The following RAB15 variants were observed in gnomAD, a reference collection of about 807,000 sequenced individuals.
RAB15 encodes ras-related protein Rab-15.
In RAB15, 13 loss-of-function variants were observed where a neutral mutation model predicts 31.8. The ratio of observed to expected loss-of-function variants is 0.41; its 90% CI spans 0.27 to 0.65. RAB15 has a LOEUF of 0.65. RAB15 is among the 30% of genes least tolerant of loss of function. The probability of loss-of-function intolerance (pLI) is 0.32; values close to 1 mark genes in which losing one functional copy is unlikely to be tolerated. For missense variants in RAB15, 220 were observed against 277.3 expected (o/e 0.79, Z 1.47); for synonymous variants, 100 against 105.6 (o/e 0.95, Z 0.33).
Position 64,955,825 on chromosome 14 carries a change from A to G in RAB15, c.125-3254T>C, listed in dbSNP as rs1289494952. ...CAGCCCTTTTTGTTGCATCTTTAGT[A>G]TCCGTGAGAAGAAGAGATATTCTCC... On this transcript the variant is annotated intron_variant, in intron 1 of 6. Transcript: ENST00000533601. The surrounding 1 kb of genome is among the most constrained non-coding windows in gnomAD (Gnocchi z 4.4). 6.6e-6 allele frequency among the ~76,000 whole-genome samples: 1 copy of G among 152,228 alleles called. No homozygotes were observed. Among genetic ancestry groups the G allele is most frequent in the Non-Finnish European group, 1.5e-5 (1 of 68,036 alleles).
In RAB15 at chr14:64,972,051, A is replaced by G; in HGVS notation, c.26T>C (p.Phe9Ser). 1.9e-6 allele frequency: 3 copies of G among 1,610,864 alleles called. No homozygotes were observed. Among genetic ancestry groups the G allele is most frequent in the Non-Finnish European group, 2.5e-6 (3 of 1,178,894 alleles). The part of the protein sequence containing the change: MAKQYDVL[F>S]RLLLIGDSGV... ...GGAGTCCCCGATCAGCAGCAGCCGGAACAGCACATCGTACTGCTTCGCCAT... is the reference window on the plus strand; with the variant it reads ...GGAGTCCCCGATCAGCAGCAGCCGGGACAGCACATCGTACTGCTTCGCCAT... The change falls in exon 1 of 7, where the codon TTC (phenylalanine) becomes TCC (serine). Residue 9 changes from phenylalanine to serine, a missense_variant. Physicochemically the swap from Phe to Ser is radical, Grantham distance 155 (BLOSUM62 -2). Coordinates refer to ENST00000533601, the MANE Select transcript of RAB15 (RefSeq NM_001308154.2). This position sits in a 1 kb window ranked among gnomAD's most constrained non-coding sequence, Gnocchi z 6.3.
At chr14:64,966,834 T>C (rs1317415313) in intron 1 of RAB15, among the ~76,000 whole-genome samples, 1 of 151,968 alleles carries the variant, frequency 6.6e-6, no homozygotes, top group African/African-American at 2.4e-5. Flanking sequence ...GGGAACAGAG[T>C]AGGTAGAGAC....
Position 64,972,175 on chromosome 14 carries a change from G to A in RAB15, c.-99C>T. On this transcript the variant is annotated 5_prime_UTR_variant, in exon 1 of 7. Coordinates refer to ENST00000533601, the MANE Select transcript of RAB15 (RefSeq NM_001308154.2). The surrounding 1 kb of genome is among the most constrained non-coding windows in gnomAD (Gnocchi z 6.3). Reference sequence around the variant, plus strand: ...CCGCGCCCGCCCGGGGACGCTGCGGGCGGCGAGGAGGACGCCGGGCCCGGC... The same window carrying A: ...CCGCGCCCGCCCGGGGACGCTGCGGACGGCGAGGAGGACGCCGGGCCCGGC... The A allele has an allele frequency of 9.5e-7, 1 of 1,047,450 alleles. No individual in the cohort carries two copies. Among genetic ancestry groups the A allele is most frequent in the Non-Finnish European group, 1.2e-6 (1 of 848,248 alleles). The allele number at this position is 1,047,450 out of a possible 1,614,324, so 64.9% of individuals were successfully genotyped here.
rs1486999860 is a variant in RAB15, at chr14:64,958,689, C to T, written c.125-6118G>A. On this transcript the variant is annotated intron_variant, in intron 1 of 6. Transcript: ENST00000533601. This position sits in a 1 kb window ranked among gnomAD's most constrained non-coding sequence, Gnocchi z 4.4. ...TTCTTGGGTACAGAAAGAAATAGGG[C>T]ACAGAAGTGTTAAGAAACAAGCAAA... 6.6e-6 allele frequency among the ~76,000 whole-genome samples: 1 copy of T among 152,058 alleles called. No individual in the cohort carries two copies. The highest frequency in any genetic ancestry group is 1.5e-5 in the Non-Finnish European group (1 of 68,012).
rs569863460 is a variant in RAB15 at position 64,953,080 on chromosome 14, T to A, written c.125-509A>T. 5.6e-4 allele frequency among the ~76,000 whole-genome samples: 86 copies of A among 152,274 alleles called. No homozygotes were observed. The highest frequency in any genetic ancestry group is 2.0e-3 in the African/African-American group (84 of 41,560). On this transcript the variant is annotated intron_variant, in intron 1 of 6. Coordinates refer to ENST00000533601, the MANE Select transcript of RAB15 (RefSeq NM_001308154.2). This position sits in a 1 kb window ranked among gnomAD's most constrained non-coding sequence, Gnocchi z 4.6. ...AGAGGAGGGCTCTTCCAACCCATGA[T>A]TGTACCTGAAGCCTCAGCACCCAGC... is the stretch of plus-strand genomic sequence containing the variant.
At position 64,953,766 on chromosome 14, in the gene RAB15, C is replaced by T; in HGVS notation, c.125-1195G>A. 2 of 984,566 alleles carry T rather than the reference C, an allele frequency of 2.0e-6. No homozygotes were observed. Among genetic ancestry groups the T allele is most frequent in the Non-Finnish European group, 2.4e-6 (2 of 829,126 alleles). The allele number at this position is 984,566 out of a possible 1,614,324, so 61.0% of individuals were successfully genotyped here. ...ATGCCCAGGGATTCAAGAGCTACGT[C>T]TGGTGGGTTAATTAAGCTTACGTCT... On this transcript the variant is annotated intron_variant, in intron 1 of 6. Transcript: ENST00000533601. The surrounding 1 kb of genome is among the most constrained non-coding windows in gnomAD (Gnocchi z 4.6).
At chr14:64,969,551 C>T (rs979634805) in intron 1 of RAB15, among the ~76,000 whole-genome samples, 6 of 152,214 alleles carry the variant, frequency 3.9e-5, no homozygotes, top group African/African-American at 7.2e-5. Flanking sequence ...TCCATGGAAT[C>T]CAAACTCCTA....
chr14:64,952,648 C>T lies in RAB15; in HGVS notation c.125-77G>A. 1 of 1,060,960 alleles carries T rather than the reference C, an allele frequency of 9.4e-7. No homozygotes were observed. Among genetic ancestry groups the T allele is most frequent in the East Asian group, 2.4e-5 (1 of 41,342 alleles). The allele number at this position is 1,060,960 out of a possible 1,614,324, so 65.7% of individuals were successfully genotyped here. A position where few individuals can be genotyped will look rare whatever the true frequency, so the allele number is the denominator to read the frequency against. On this transcript the variant is annotated intron_variant, in intron 1 of 6. Transcript: ENST00000533601. This position sits in a 1 kb window ranked among gnomAD's most constrained non-coding sequence, Gnocchi z 4.2. ...AACAGGAAAGGGCCAGGCAATCACACTTGAAAGGTTTCCTTTCAGTTTAAT... is the reference window on the plus strand; with the variant it reads ...AACAGGAAAGGGCCAGGCAATCACATTTGAAAGGTTTCCTTTCAGTTTAAT...
Position 64,968,797 on chromosome 14 carries a change from G to C in RAB15, c.124+3156C>G, listed in dbSNP as rs1887269403. Among the ~76,000 whole-genome samples the C allele has an allele frequency of 1.3e-5, 2 of 152,208 alleles. No individual in the cohort carries two copies. Among genetic ancestry groups the C allele is most frequent in the African/African-American group, 4.8e-5 (2 of 41,454 alleles). ...GGGGACCCCTTCGCACCAACCCCCAGCCAGGCCAGCACAGCTGCACAGAAA... is the reference window on the plus strand; with the variant it reads ...GGGGACCCCTTCGCACCAACCCCCACCCAGGCCAGCACAGCTGCACAGAAA... On this transcript the variant is annotated intron_variant, in intron 1 of 6. Coordinates refer to ENST00000533601, the MANE Select transcript of RAB15 (RefSeq NM_001308154.2). This position sits in a 1 kb window ranked among gnomAD's most constrained non-coding sequence, Gnocchi z 4.9.
rs901083922 is a variant in RAB15, at chr14:64,954,941, G to A, written c.125-2370C>T. ...GAGGGAGAGGTGAAAGCAGGCAACT[G>A]TCCCCAGAGACAGAACTGACAAGGA... On this transcript the variant is annotated intron_variant, in intron 1 of 6. Transcript: ENST00000533601. This position sits in a 1 kb window ranked among gnomAD's most constrained non-coding sequence, Gnocchi z 4.3. Among the ~76,000 whole-genome samples the A allele has an allele frequency of 6.6e-6, 1 of 152,126 alleles. No homozygotes were observed. The highest frequency in any genetic ancestry group is 2.4e-5 in the African/African-American group (1 of 41,410).
Position 64,952,273 on chromosome 14 carries a change from G to A in RAB15, c.185+238C>T, listed in dbSNP as rs1220777029. 1.3e-5 allele frequency among the ~76,000 whole-genome samples: 2 copies of A among 152,330 alleles called. No individual in the cohort carries two copies. Among genetic ancestry groups the A allele is most frequent in the East Asian group, 3.9e-4 (2 of 5,170 alleles). ...GAGATAAATTCACAATGGTTAGTGT[G>A]CCAGTTCCTTCTAATTCCTGCCCTT... is the stretch of plus-strand genomic sequence containing the variant. On this transcript the variant is annotated intron_variant, in intron 2 of 6. Coordinates refer to ENST00000533601, the MANE Select transcript of RAB15 (RefSeq NM_001308154.2). The surrounding 1 kb of genome is among the most constrained non-coding windows in gnomAD (Gnocchi z 4.2).
At position 64,968,802 on chromosome 14, in the gene RAB15, G is replaced by C. The variant is rs1236219464; in HGVS notation, c.124+3151C>G. Among the ~76,000 whole-genome samples the C allele has an allele frequency of 6.6e-6, 1 of 152,184 alleles. No homozygotes were observed. The highest frequency in any genetic ancestry group is 1.5e-5 in the Non-Finnish European group (1 of 68,036). ...CCCCTTCGCACCAACCCCCAGCCAGGCCAGCACAGCTGCACAGAAAGGAAA... is the reference window on the plus strand; with the variant it reads ...CCCCTTCGCACCAACCCCCAGCCAGCCCAGCACAGCTGCACAGAAAGGAAA... On this transcript the variant is annotated intron_variant, in intron 1 of 6. Coordinates refer to ENST00000533601, the MANE Select transcript of RAB15 (RefSeq NM_001308154.2). This position sits in a 1 kb window ranked among gnomAD's most constrained non-coding sequence, Gnocchi z 4.9.
intron 1 of RAB15, among the ~76,000 whole-genome samples, chr14:64,959,842 C>A (rs937488241): frequency 1.2e-4 from 13 of 108,820 alleles, no homozygotes; most frequent in African/African-American, 5.0e-4. Context: ...GAGCAGGACC[C>A]TGTCTCAAAA....
intron 1 of RAB15, among the ~76,000 whole-genome samples, chr14:64,967,980 C>G (rs978634232): frequency 1.3e-5 from 2 of 152,266 alleles, no homozygotes; most frequent in Non-Finnish European, 1.5e-5. Flanking sequence ...TCATTAGTAC[C>G]CTACTCAAAA....
In RAB15 at chr14:64,951,989, C is replaced by T. The variant is rs939024055; in HGVS notation, c.186-326G>A. Among the ~76,000 whole-genome samples, 11 of 152,252 alleles carry T rather than the reference C, an allele frequency of 7.2e-5. No individual in the cohort carries two copies. In the East Asian group the frequency reaches 1.9e-3, roughly 27 times the overall value. On this transcript the variant is annotated intron_variant, in intron 2 of 6. Transcript: ENST00000533601. This position sits in a 1 kb window ranked among gnomAD's most constrained non-coding sequence, Gnocchi z 7.2. ...TGGGAGTTGGCAGGGGATGCTGCTA[C>T]ACCCCTAGTCCCTATGGGACCTCTG...
Position 64,950,400 on chromosome 14 carries a change from G to A in RAB15, c.339C>T (p.Gly113=), listed in dbSNP as rs1477615232. The change falls in exon 5 of 7, where the codon GGC becomes GGT. Residue 113 remains glycine, a synonymous_variant. Transcript: ENST00000533601. This position sits in a 1 kb window ranked among gnomAD's most constrained non-coding sequence, Gnocchi z 5.6. The stretch of plus-strand genomic sequence containing the variant: ...TATTCCCAATAAGGATCTTCTGGAC[G>A]CCTTCTGGTGCGTACTAGGGACAAA... ...VSDVDEYAPE[G]VQKILIGNKA... The A allele has an allele frequency of 5.0e-6, 8 of 1,613,748 alleles. No homozygotes were observed. Among genetic ancestry groups the A allele is most frequent in the East Asian group, 4.5e-5 (2 of 44,892 alleles).
At position 64,972,221 on chromosome 14, in the gene RAB15, C is replaced by T. The variant is rs1887468522; in HGVS notation, c.-145G>A. 2.2e-6 allele frequency: 1 copy of T among 460,286 alleles called. No homozygotes were observed. The highest frequency in any genetic ancestry group is 2.9e-6 in the Non-Finnish European group (1 of 350,552). The allele number at this position is 460,286 out of a possible 1,614,324, so 28.5% of individuals were successfully genotyped here. On this transcript the variant is annotated 5_prime_UTR_variant, in exon 1 of 7. Coordinates refer to ENST00000533601, the MANE Select transcript of RAB15 (RefSeq NM_001308154.2). This position sits in a 1 kb window ranked among gnomAD's most constrained non-coding sequence, Gnocchi z 6.3. ...CCGGCCCCCGCGGCTGCCTCGCCCG[C>T]CCGCCTGCCCACTCGCTCGCTGGGT...
intron 1 of RAB15, among the ~76,000 whole-genome samples, chr14:64,965,819 G>A (rs1405557612): frequency 7.2e-5 from 11 of 152,184 alleles, no homozygotes; most frequent in Admixed American, 6.5e-4. Context: ...GGGAGGAACC[G>A]GTGCTCCCAG....
intron 5 of RAB15, among the ~76,000 whole-genome samples, chr14:64,949,488 AGGCAGGT>A (rs553578549): frequency 8.6e-4 from 131 of 152,332 alleles, no homozygotes; most frequent in Admixed American, 2.5e-3. Flanking sequence ...TGGGAGACTG[AGGCAGGT>A]GGATCACCTG....
Sources: gnomAD v4.1 joint callset for allele counts (sites outside exome capture counted in the v4.1 genomes callset) on GRCh38, gnomAD v4.1.1 for gene constraint, Gnocchi (gnomAD v3.1) non-coding constraint, MANE v1.5 for transcripts, NCBI Gene and HGNC (gene_info 2026-07-23, HGNC 2026-07-21) for gene names.